The following TBC1D5 variants were observed in gnomAD, a reference collection of about 807,000 sequenced individuals.
The protein encoded by TBC1D5 is TBC1 domain family member 5.
TBC1D5 carries 75 observed loss-of-function variants against 100.3 expected under a neutral mutation model. That is an observed-to-expected ratio of 0.75 (90% CI 0.62 to 0.91). TBC1D5 has a LOEUF of 0.91. Ranked by LOEUF, TBC1D5 falls within the 40% of genes least tolerant of loss-of-function variation. The probability of loss-of-function intolerance (pLI) is 0.00; values close to 1 mark genes in which losing one functional copy is unlikely to be tolerated. For missense variants in TBC1D5, 910 were observed against 942.4 expected, an observed-to-expected ratio of 0.97 and a Z score of 0.45; for synonymous variants, 323 against 325.6, an observed-to-expected ratio of 0.99 and a Z score of 0.09.
intron 3 of TBC1D5, among the ~76,000 whole-genome samples, chr3:17,493,166 G>A (rs2095660318): frequency 6.6e-6 from 1 of 152,100 alleles, no homozygotes; most frequent in Admixed American, 6.5e-5. Flanking sequence ...TGTCTGAAAA[G>A]GATTTAATTT....
intron 13 of TBC1D5, among the ~76,000 whole-genome samples, chr3:17,313,077 G>A (rs911938381): frequency 2.6e-5 from 4 of 152,128 alleles, no homozygotes; most frequent in Admixed American, 2.0e-4. Context: ...GATGGTAATA[G>A]TCTAATACAG....
intron 1 of TBC1D5, among the ~76,000 whole-genome samples, chr3:17,717,363 T>C (rs1191174523): frequency 2.0e-5 from 3 of 152,162 alleles, no homozygotes; most frequent in African/African-American, 4.8e-5. Flanking sequence ...ATAAATAATA[T>C]TTGCGTAACT....
At chr3:17,525,150 A>G (rs1036844401) in intron 2 of TBC1D5, among the ~76,000 whole-genome samples, 4 of 151,888 alleles carry the variant, frequency 2.6e-5, no homozygotes, top group Non-Finnish European at 4.4e-5. Context: ...TTTTTTTGAG[A>G]CAGAGTTTCA....
chr3:17,257,362 G>A (rs560674505), intron 16 of TBC1D5, among the ~76,000 whole-genome samples: 1 of 152,282 alleles, frequency 6.6e-6, no homozygotes, highest in South Asian at 2.1e-4. Flanking sequence ...TTTTTACTGG[G>A]CATCTCCTGT....
At chr3:17,498,076 TATTA>T (rs1329957871) in intron 3 of TBC1D5, among the ~76,000 whole-genome samples, 1 of 152,116 alleles carries the variant, frequency 6.6e-6, no homozygotes, top group Non-Finnish European at 1.5e-5. Flanking sequence ...ACTTTCATAA[TATTA>T]ATTTTTATGA....
chr3:17,264,611 G>A lies in TBC1D5; in HGVS notation c.1246-6020C>T, dbSNP rs1012772264. 9.8e-5 allele frequency among the ~76,000 whole-genome samples: 15 copies of A among 152,288 alleles called. No individual in the cohort carries two copies. In the East Asian group the frequency reaches 1.4e-3, roughly 14 times the overall value. On this transcript the variant is annotated intron_variant, in intron 15 of 21. Transcript: ENST00000253692. The stretch of plus-strand genomic sequence containing the variant: ...GCACTCATGTGCTCTAGCATCAGGC[G>A]CAGGGTGCCTGATAGGTGAGGCAAG...
intron 2 of TBC1D5, among the ~76,000 whole-genome samples, chr3:17,618,972 G>A (rs1046051996): frequency 5.9e-5 from 9 of 152,258 alleles, no homozygotes; most frequent in South Asian, 2.1e-4. Flanking sequence ...GATATCACCC[G>A]TCTTCTGCAT....
chr3:17,672,280 A>T (rs2068031355), intron 1 of TBC1D5, among the ~76,000 whole-genome samples: 1 of 152,258 alleles, frequency 6.6e-6, no homozygotes, highest in Non-Finnish European at 1.5e-5. Flanking sequence ...CTTACATTAT[A>T]CAATTTTTTA....
intron 15 of TBC1D5, among the ~76,000 whole-genome samples, chr3:17,289,706 T>TGTG (rs2081530953): frequency 6.6e-6 from 1 of 151,394 alleles, no homozygotes; most frequent in Non-Finnish European, 1.5e-5. Context: ...GACAATTTAA[T>TGTG]TCAACCTCCA....
chr3:17,392,735 G>A (rs1055689606), intron 8 of TBC1D5, among the ~76,000 whole-genome samples: 2 of 152,114 alleles, frequency 1.3e-5, no homozygotes, highest in African/African-American at 4.8e-5. Context: ...TGGTGTATAT[G>A]TGCCACATTT....
intron 1 of TBC1D5, among the ~76,000 whole-genome samples, chr3:17,643,726 C>G (rs897073045): frequency 2.0e-5 from 3 of 152,104 alleles, no homozygotes; most frequent in African/African-American, 4.8e-5. Context: ...AATCCGATGT[C>G]TAGCAGTTCC....
intron 3 of TBC1D5, among the ~76,000 whole-genome samples, chr3:17,470,046 T>G (rs984396530): frequency 6.6e-6 from 1 of 152,190 alleles, no homozygotes; most frequent in African/African-American, 2.4e-5. Flanking sequence ...TTCCCTACAC[T>G]CCTACACTGC....
In TBC1D5 at chr3:17,560,009, G is replaced by A. The variant is rs191532959; in HGVS notation, c.-35-51404C>T. 2.8e-3 allele frequency among the ~76,000 whole-genome samples: 428 copies of A among 152,100 alleles called. 3 individuals are homozygous for A. The highest frequency in any genetic ancestry group is 4.5e-3 in the Non-Finnish European group (309 of 67,998). On this transcript the variant is annotated intron_variant, in intron 2 of 21. Coordinates refer to ENST00000253692, the Ensembl canonical transcript of TBC1D5. ...TAACATATGATGTGATGAGTTAATG[G>A]ATGCAGGGTTTGAGAATCAATACCT...
chr3:17,499,551 C>T lies in TBC1D5; in HGVS notation c.97+8923G>A, dbSNP rs554345641. Among the ~76,000 whole-genome samples the T allele has an allele frequency of 7.4e-5, 11 of 148,490 alleles. 1 individual carries two copies. The East Asian group carries it at 1.6e-3, about 21-fold the overall frequency. On this transcript the variant is annotated intron_variant, in intron 3 of 21. Transcript: ENST00000253692. ...TCTACTAAAAAATACAAAAATTTGCCGGGTGTGGTGACGCATTCCTATCGT... is the reference window on the plus strand; with the variant it reads ...TCTACTAAAAAATACAAAAATTTGCTGGGTGTGGTGACGCATTCCTATCGT...
chr3:17,620,441 G>A (rs977074029), intron 2 of TBC1D5, among the ~76,000 whole-genome samples: 2 of 152,154 alleles, frequency 1.3e-5, no homozygotes, highest in African/African-American at 2.4e-5. Context: ...AAGAAACTAC[G>A]GCACACACAA....
chr3:17,421,331 C>T (rs2094202536), intron 4 of TBC1D5, among the ~76,000 whole-genome samples: 2 of 152,096 alleles, frequency 1.3e-5, no homozygotes, highest in Non-Finnish European at 2.9e-5. Flanking sequence ...CTGAAGTGAT[C>T]ATTTAACTGT....
chr3:17,354,960 T>C (rs544194592), intron 13 of TBC1D5, among the ~76,000 whole-genome samples: 14 of 152,210 alleles, frequency 9.2e-5, no homozygotes, highest in South Asian at 6.2e-4. Context: ...AACCACCCAA[T>C]TGGCTACAAT....
At chr3:17,185,932 C>A (rs2068991162) in intron 18 of TBC1D5, among the ~76,000 whole-genome samples, 1 of 149,128 alleles carries the variant, frequency 6.7e-6, no homozygotes, top group African/African-American at 2.5e-5. Flanking sequence ...AACAATCGAA[C>A]TGTAACAAAA....
chr3:17,213,443 T>C (rs565875713), intron 18 of TBC1D5, among the ~76,000 whole-genome samples: 1 of 152,320 alleles, frequency 6.6e-6, no homozygotes, highest in East Asian at 1.9e-4. Context: ...GGATATGCCT[T>C]AGCTATATCC....
Sources: gnomAD v4.1 joint callset for allele counts (sites outside exome capture counted in the v4.1 genomes callset) on GRCh38, gnomAD v4.1.1 for gene constraint, MANE v1.5 for transcripts, NCBI Gene and HGNC (gene_info 2026-07-23, HGNC 2026-07-21) for gene names.